Variants in SH2D1A observed in about 807,000 individuals in gnomAD.
The protein encoded by SH2D1A is SH2 domain containing 1A, also known as SH2 domain-containing protein 1A.
In SH2D1A, 6 loss-of-function variants were observed where a neutral mutation model predicts 10.1. That is an observed-to-expected ratio of 0.60 (90% confidence interval 0.33 to 1.18). The LOEUF (loss-of-function observed/expected upper bound fraction) is 1.18, where lower values mean the gene tolerates loss of function less well. Ranked by LOEUF, SH2D1A falls within the 50% of genes most tolerant of loss-of-function variation. SH2D1A has a pLI of 0.04. For missense variants in SH2D1A, 51 were observed against 97.6 expected, an observed-to-expected ratio of 0.52 and a Z score of 2.01; for synonymous variants, 42 against 36.9, an observed-to-expected ratio of 1.14 and a Z score of -0.51.
chrX:124,361,000 A>C (rs2060039065), intron 1 of SH2D1A, among the ~76,000 whole-genome samples: 1 of 111,438 alleles, frequency 9.0e-6, no homozygotes, highest in Admixed American at 9.6e-5. Context: ...CCCATCTATA[A>C]AATAAATATT....
intron 1 of SH2D1A, among the ~76,000 whole-genome samples, chrX:124,358,352 CA>C (rs1223355725): frequency 9.0e-6 from 1 of 111,690 alleles, no homozygotes; most frequent in Non-Finnish European, 1.9e-5. Context: ...CAAGGTTATG[CA>C]GTCAAAAATA....
intron 1 of SH2D1A, among the ~76,000 whole-genome samples, chrX:124,360,445 T>TA (rs752399450): frequency 0.024 from 767 of 31,978 alleles, 24 homozygotes; most frequent in African/African-American, 0.047. Flanking sequence ...CTGCAAAAAC[T>TA]AAAAAAAAAA....
intron 1 of SH2D1A, chrX:124,364,495 A>C: frequency 4.6e-6 from 1 of 218,545 alleles, no homozygotes; most frequent in Non-Finnish European, 8.2e-6. Context: ...AGATTAATTT[A>C]TTATTGAAGC....
At chrX:124,371,107 T>A (rs918525935) in intron 3 of SH2D1A, among the ~76,000 whole-genome samples, 1 of 111,833 alleles carries the variant, frequency 8.9e-6, no homozygotes, top group Non-Finnish European at 1.9e-5. Flanking sequence ...ATTAAATTAA[T>A]GAATAGTTAG....
chrX:124,364,607 C>A (rs999601539), intron 1 of SH2D1A, among the ~76,000 whole-genome samples: 1 of 109,975 alleles, frequency 9.1e-6, no homozygotes, highest in African/African-American at 3.3e-5. Flanking sequence ...TGAGTTCAAG[C>A]GATTCTCCTG....
chrX:124,365,761 G>T lies in SH2D1A; in HGVS notation c.138G>T (p.Leu46=). The T allele has an allele frequency of 8.8e-7, 1 of 1,137,228 alleles. No individual in the cohort carries two copies. The allele number at this position is 1,137,228 out of a possible 1,213,427, so 93.7% of individuals were successfully genotyped here. A position where few individuals can be genotyped will look rare whatever the true frequency, so the allele number is the denominator to read the frequency against. Residue 46 remains leucine, a splice_region_variant and synonymous_variant, in exon 2 of 4, where the codon CTG becomes CTT. Coordinates refer to ENST00000371139, the MANE Select transcript of SH2D1A (RefSeq NM_002351.5). ...GTAATGGAAGTTTATTCTTTCACAGGTATCACGGTTACATTTATACATACC... is the reference window on the plus strand; with the variant it reads ...GTAATGGAAGTTTATTCTTTCACAGTTATCACGGTTACATTTATACATACC... ...SVPGVYCLCV[L]YHGYIYTYRV...
intron 1 of SH2D1A, among the ~76,000 whole-genome samples, chrX:124,349,734 CTTCTG>C (rs913480231): frequency 9.0e-6 from 1 of 110,656 alleles, no homozygotes; most frequent in African/African-American, 3.3e-5. Context: ...ATGGCCTTTT[CTTCTG>C]TTCTGATTTA....
rs1310799396 is a variant in SH2D1A, at chrX:124,350,969, TATAAGATATAATATATTATATATA to T, written c.137+4191_137+4214del. ...AAGATATAATATATTATATATTGTA[TATAAGATATAATATATTATATATA>T]TATTATAAATATGTATATTTTTATA... On this transcript the variant is annotated intron_variant, in intron 1 of 3. Coordinates refer to ENST00000371139, the MANE Select transcript of SH2D1A (RefSeq NM_002351.5). Among the ~76,000 whole-genome samples, 174 of 49,525 alleles carry T rather than the reference TATAAGATATAATATATTATATATA, an allele frequency of 3.5e-3. 5 individuals carry two copies. The highest frequency in any genetic ancestry group is 0.026 in the African/African-American group (165 of 6,354). 43.0% of individuals were successfully genotyped at this position (49,525 alleles called of 115,157 possible).
At chrX:124,356,551 G>T (rs1457704022) in intron 1 of SH2D1A, among the ~76,000 whole-genome samples, 2 of 112,403 alleles carry the variant, frequency 1.8e-5, no homozygotes, top group Non-Finnish European at 3.8e-5. Context: ...AGGCTCAAGC[G>T]ATTCTCCTGC....
intron 1 of SH2D1A, among the ~76,000 whole-genome samples, chrX:124,359,912 ATT>A (rs200035601): frequency 9.5e-6 from 1 of 105,724 alleles, no homozygotes. Context: ...AGATATAGTA[ATT>A]TTTTTTTTTA....
intron 1 of SH2D1A, among the ~76,000 whole-genome samples, chrX:124,350,307 TATATTATATATA>T (rs1377536523): frequency 1.3e-4 from 4 of 31,546 alleles, no homozygotes; most frequent in Non-Finnish European, 1.4e-4. Flanking sequence ...TATATAAATA[TATATTATATATA>T]ATATTATATA....
chrX:124,350,365 T>A (rs1459732498), intron 1 of SH2D1A, among the ~76,000 whole-genome samples: 2 of 25,675 alleles, frequency 7.8e-5, no homozygotes, highest in African/African-American at 3.5e-4. Flanking sequence ...TATATAATAT[T>A]ATATAATATA....
At chrX:124,368,867 G>T (rs73212989) in intron 2 of SH2D1A, among the ~76,000 whole-genome samples, 3,480 of 111,799 alleles carry the variant, frequency 0.031, 71 homozygotes, top group Non-Finnish European at 0.05. Flanking sequence ...TGGAACCAAC[G>T]AACTGTTTGG....
chrX:124,347,334 A>G (rs901691292), intron 1 of SH2D1A, among the ~76,000 whole-genome samples: 3 of 109,146 alleles, frequency 2.7e-5, no homozygotes, highest in Non-Finnish European at 5.7e-5. Context: ...CTGCTGATGT[A>G]GCATCCTTTA....
At chrX:124,363,916 A>AAAG (rs1569527532) in intron 1 of SH2D1A, among the ~76,000 whole-genome samples, 4 of 85,078 alleles carry the variant, frequency 4.7e-5, no homozygotes, top group Non-Finnish European at 9.0e-5. Context: ...AAAAAAAAAA[A>AAAG]GAAAGAAAAA....
At chrX:124,352,945 A>G (rs1420400512) in intron 1 of SH2D1A, among the ~76,000 whole-genome samples, 3 of 111,524 alleles carry the variant, frequency 2.7e-5, no homozygotes, top group Non-Finnish European at 1.9e-5. Flanking sequence ...TACGGTGACT[A>G]TAGTTAACAA....
chrX:124,349,780 C>T (rs1287269859), intron 1 of SH2D1A, among the ~76,000 whole-genome samples: 1 of 109,993 alleles, frequency 9.1e-6, no homozygotes, highest in Non-Finnish European at 1.9e-5. Context: ...CTTCATAAAG[C>T]ACTAAAGGAG....
At position 124,371,753 on chromosome X, in the gene SH2D1A, T is replaced by C. The variant is rs2060069896; in HGVS notation, c.*362T>C. The stretch of plus-strand genomic sequence containing the variant: ...CCATTTTTAGTGAAATATTATTTTA[T>C]AGCTACTAATTTTAAAATGTCTTGC... On this transcript the variant is annotated 3_prime_UTR_variant, in exon 4 of 4. Transcript: ENST00000371139. 1 of 172,662 alleles carries C rather than the reference T, an allele frequency of 5.8e-6. No homozygotes were observed. The highest frequency in any genetic ancestry group is 1.1e-5 in the Non-Finnish European group (1 of 91,415). 14.2% of individuals were successfully genotyped at this position (172,662 alleles called of 1,213,427 possible).
At chrX:124,348,329 A>C (rs1391610448) in intron 1 of SH2D1A, among the ~76,000 whole-genome samples, 1 of 111,310 alleles carries the variant, frequency 9.0e-6, no homozygotes, top group Non-Finnish European at 1.9e-5. Context: ...AGGGAAGCTG[A>C]CAAAGGAGAT....
Sources: gnomAD v4.1 joint callset for allele counts (sites outside exome capture counted in the v4.1 genomes callset) on GRCh38, gnomAD v4.1.1 for gene constraint, MANE v1.5 for transcripts, NCBI Gene and HGNC (gene_info 2026-07-23, HGNC 2026-07-21) for gene names.